The following UNC80 variants were observed in gnomAD, a reference collection of about 807,000 sequenced individuals.
The protein encoded by UNC80 is unc-80 subunit of NALCN channel complex.
A neutral mutation model predicts 384.6 loss-of-function variants in UNC80; 164 were observed. That is an observed-to-expected ratio of 0.43 (90% CI 0.38 to 0.49). UNC80 has a LOEUF of 0.49. UNC80 is among the 20% of genes least tolerant of loss of function. UNC80 has a pLI of 0.00. For missense variants in UNC80, 3,330 were observed against 4,143.0 expected (o/e 0.80, Z 5.39); for synonymous variants, 1,486 against 1,527.8 (o/e 0.97, Z 0.64).
Position 209,936,933 on chromosome 2 carries a change from G to A in UNC80, c.6363G>A (p.Lys2121=), listed in dbSNP as rs1220915888. The A allele has an allele frequency of 6.5e-7, 1 of 1,539,718 alleles. No individual in the cohort carries two copies. The highest frequency in any genetic ancestry group is 1.2e-5 in the South Asian group (1 of 83,786). ...GATGGAACCTTATCCACTACAATAA[G>A]GTGAGACACCAGTAGTGACATCCCC... The part of the protein sequence containing the change: ...DKRWNLIHYN[K]TYVRDIYPFR... The change falls in exon 41 of 65, where the codon AAG becomes AAA. Residue 2121 remains lysine, a splice_region_variant and synonymous_variant. Transcript: ENST00000673920.
At position 209,918,774 on chromosome 2, in the gene UNC80, T is replaced by A; in HGVS notation, c.5343+111T>A. The A allele has an allele frequency of 2.4e-6, 3 of 1,255,374 alleles. No individual in the cohort carries two copies. The Middle Eastern group carries it at 6.3e-4, about 264-fold the overall frequency. 77.8% of individuals were successfully genotyped at this position (1,255,374 alleles called of 1,614,324 possible). A position where few individuals can be genotyped will look rare whatever the true frequency, so the allele number is the denominator to read the frequency against. ...AAGAATGTAATAATAACACAGAAAG[T>A]CAGCACAAAAGATCTTTGTCCTTGT... On this transcript the variant is annotated intron_variant, in intron 33 of 64. Transcript: ENST00000673920.
chr2:209,777,518 C>T lies in UNC80; in HGVS notation c.559C>T (p.Leu187Phe), dbSNP rs1451838978. 6.2e-7 allele frequency: 1 copy of T among 1,613,520 alleles called. No homozygotes were observed. The highest frequency in any genetic ancestry group is 8.5e-7 in the Non-Finnish European group (1 of 1,179,758). The change falls in exon 4 of 65, where the codon CTC becomes TTC. Residue 187 changes from leucine to phenylalanine, a missense_variant. Around this residue, in one of 8 missense-constraint regions of UNC80, gnomAD observed 937 missense variants for 1,026.8 expected, o/e 0.91. Transcript: ENST00000673920. ...CCAGAACTCCATGGCTACTGTGGAGCTCTTCGTGTTTCTGTTTGCTCCCCT... is the reference window on the plus strand; with the variant it reads ...CCAGAACTCCATGGCTACTGTGGAGTTCTTCGTGTTTCTGTTTGCTCCCCT... The part of the protein sequence containing the change: ...IFQNSMATVE[L>F]FVFLFAPLVH...
chr2:209,897,515 G>A (rs1209097229), intron 28 of UNC80, among the ~76,000 whole-genome samples: 5 of 151,874 alleles, frequency 3.3e-5, no homozygotes, highest in East Asian at 1.9e-4. Flanking sequence ...ACAATGGCCT[G>A]GTCTACTCTT....
chr2:209,991,373 C>T (rs540427973), intron 61 of UNC80, among the ~76,000 whole-genome samples: 2 of 152,130 alleles, frequency 1.3e-5, no homozygotes, highest in Non-Finnish European at 2.9e-5. Flanking sequence ...GAAAAAGGAC[C>T]ATGGGCCCAT....
intron 13 of UNC80, among the ~76,000 whole-genome samples, chr2:209,822,673 G>C (rs980844619): frequency 6.6e-6 from 1 of 152,288 alleles, no homozygotes; most frequent in East Asian, 1.9e-4. Flanking sequence ...TTTATAATTA[G>C]TGTTTTGTTT....
intron 22 of UNC80, among the ~76,000 whole-genome samples, chr2:209,851,476 C>G (rs780315873): frequency 2.0e-5 from 3 of 151,854 alleles, no homozygotes; most frequent in Non-Finnish European, 4.4e-5. Flanking sequence ...ATTTAGAAGC[C>G]CAGAGTCAAT....
At chr2:209,792,558 C>T (rs570678574) in intron 6 of UNC80, among the ~76,000 whole-genome samples, 20 of 152,010 alleles carry the variant, frequency 1.3e-4, no homozygotes, top group East Asian at 1.2e-3. Context: ...CATGTTAGCC[C>T]GGATGGTCTC....
chr2:209,924,611 A>T (rs912268947), intron 35 of UNC80, among the ~76,000 whole-genome samples: 6 of 152,082 alleles, frequency 3.9e-5, no homozygotes, highest in African/African-American at 9.7e-5. Context: ...ACAACCTTGT[A>T]CATATGTACA....
At position 209,995,425 on chromosome 2, in the gene UNC80, C is replaced by T; in HGVS notation, c.9805C>T (p.Pro3269Ser). Reference protein sequence around the residue: ...HSPLSAQLSDPDDFTGLETSS... With the variant: ...HSPLSAQLSDSDDFTGLETSS... Reference sequence around the variant, plus strand: ...TCCACTCTCTGCCCAACTCTCTGACCCTGATGACTTCACAGGCCTCGAGAC... The same window carrying T: ...TCCACTCTCTGCCCAACTCTCTGACTCTGATGACTTCACAGGCCTCGAGAC... Residue 3269 changes from proline to serine, a missense_variant, in exon 65 of 65, where the codon CCT (proline) becomes TCT (serine). By Grantham distance (74) the Pro-to-Ser change is moderately conservative. This residue lies in a region of UNC80 where 236 missense variants were observed against 254.9 expected (regional missense o/e 0.93). Transcript: ENST00000673920. 1.3e-6 allele frequency: 2 copies of T among 1,551,870 alleles called. No individual in the cohort carries two copies. Among genetic ancestry groups the T allele is most frequent in the Non-Finnish European group, 8.7e-7 (1 of 1,147,032 alleles).
intron 39 of UNC80, among the ~76,000 whole-genome samples, chr2:209,935,189 T>C (rs1268784092): frequency 6.6e-6 from 1 of 152,240 alleles, no homozygotes; most frequent in Non-Finnish European, 1.5e-5. Context: ...GAATTCTAAC[T>C]CTTCCACTAA....
chr2:209,958,560 G>A (rs1194748802), intron 49 of UNC80, among the ~76,000 whole-genome samples: 1 of 152,096 alleles, frequency 6.6e-6, no homozygotes, highest in African/African-American at 2.4e-5. Flanking sequence ...TAAATTGCCT[G>A]GTGTGATGGT....
At chr2:209,864,564 A>G (rs1360630505) in intron 22 of UNC80, among the ~76,000 whole-genome samples, 2 of 152,100 alleles carry the variant, frequency 1.3e-5, no homozygotes, top group East Asian at 3.9e-4. Context: ...GGCTGGAGTT[A>G]TTGGAGTTCC....
chr2:209,800,118 T>C (rs568868772), intron 7 of UNC80, among the ~76,000 whole-genome samples: 1 of 152,354 alleles, frequency 6.6e-6, no homozygotes, highest in East Asian at 1.9e-4. Context: ...TTTAATTGTT[T>C]GGAATAGTTT....
intron 14 of UNC80, among the ~76,000 whole-genome samples, chr2:209,828,784 T>C (rs1232384046): frequency 1.3e-5 from 2 of 152,158 alleles, no homozygotes; most frequent in African/African-American, 4.8e-5. Context: ...CCCATTTCAT[T>C]CCACTGTATA....
intron 23 of UNC80, among the ~76,000 whole-genome samples, chr2:209,874,377 T>A (rs1385478794): frequency 1.3e-5 from 2 of 152,148 alleles, no homozygotes; most frequent in African/African-American, 4.8e-5. Context: ...CAATTGATAA[T>A]CCCATTGGCT....
chr2:209,923,556 T>C (rs113145748), intron 35 of UNC80, among the ~76,000 whole-genome samples: 3,728 of 152,258 alleles, frequency 0.024, 116 homozygotes, highest in South Asian at 0.18. Context: ...TTCAGTTCTG[T>C]TCTACTGATC....
At chr2:209,873,800 A>G (rs1008017894) in intron 23 of UNC80, among the ~76,000 whole-genome samples, 19 of 152,208 alleles carry the variant, frequency 1.2e-4, no homozygotes, top group Admixed American at 6.5e-5. Flanking sequence ...CAACTAAGGT[A>G]TTCTTCCTCC....
intron 7 of UNC80, among the ~76,000 whole-genome samples, chr2:209,812,852 T>C (rs1247552046): frequency 6.6e-6 from 1 of 152,324 alleles, no homozygotes; most frequent in Admixed American, 6.5e-5. Context: ...TGTAGTAGAA[T>C]TAAATTGAAC....
chr2:209,938,389 A>G (rs1211030804), intron 42 of UNC80, among the ~76,000 whole-genome samples: 2 of 152,240 alleles, frequency 1.3e-5, no homozygotes, highest in African/African-American at 4.8e-5. Context: ...CATATCAAGG[A>G]TAATAATTTG....
Sources: allele counts gnomAD v4.1 joint callset (sites outside exome capture counted in the v4.1 genomes callset), GRCh38; gene constraint gnomAD v4.1.1; regional missense constraint gnomAD v4.1.1; transcripts MANE v1.5; gene names NCBI Gene and HGNC (gene_info 2026-07-23, HGNC 2026-07-21).